The following RAB11FIP1 variants were observed in gnomAD, a reference collection of about 807,000 sequenced individuals.
RAB11FIP1 encodes rab11 family-interacting protein 1.
Under a neutral mutation model 83.1 loss-of-function variants are expected in RAB11FIP1, and 49 were observed. The ratio of observed to expected loss-of-function variants is 0.59; its 90% CI spans 0.47 to 0.75. The LOEUF (loss-of-function observed/expected upper bound fraction) is 0.75, where lower values mean the gene tolerates loss of function less well. Among genes scored for constraint, RAB11FIP1 ranks in the 30% least tolerant of loss-of-function variants. The probability of loss-of-function intolerance (pLI) is 0.00; values close to 1 mark genes in which losing one functional copy is unlikely to be tolerated. For synonymous variants in RAB11FIP1, 670 were observed against 656.0 expected (o/e 1.02, Z -0.33); for missense variants, 1,536 against 1,598.7 (o/e 0.96, Z 0.67).
rs35028305 is a variant in RAB11FIP1 at position 37,896,293 on chromosome 8, G to C, written c.371+2778C>G. Among the ~76,000 whole-genome samples, 828 of 151,360 alleles carry C rather than the reference G, an allele frequency of 5.5e-3. 6 individuals carry two copies. The highest frequency in any genetic ancestry group is 0.014 in the Middle Eastern group (4 of 294). ...CCATTGCACTCCAGCCTGGGGGACA[G>C]AGTGAGACGCCATCTCAAAAAAAAA... On this transcript the variant is annotated intron_variant, in intron 1 of 5. Coordinates refer to ENST00000330843, the MANE Select transcript of RAB11FIP1 (RefSeq NM_001002814.3).
chr8:37,873,043 G>GT lies in RAB11FIP1; in HGVS notation c.1758dup (p.Gln587ThrfsTer4), dbSNP rs775564658. 1 of 1,614,132 alleles carries GT rather than the reference G, an allele frequency of 6.2e-7. No homozygotes were observed. The highest frequency in any genetic ancestry group is 8.5e-7 in the Non-Finnish European group (1 of 1,179,998). ...AAGACAGAAGGACTCTCAGAGGACTGTGTGTCTGCACCATGTCCCAATTCA... is the reference window on the plus strand; with the variant it reads ...AAGACAGAAGGACTCTCAGAGGACTGTTGTGTCTGCACCATGTCCCAATTCA... On this transcript the variant is annotated frameshift_variant, in exon 4 of 6. Coordinates refer to ENST00000330843, the MANE Select transcript of RAB11FIP1 (RefSeq NM_001002814.3). LOFTEE classifies it high-confidence loss of function.
At chr8:37,880,231 G>C (rs998119301) in intron 1 of RAB11FIP1, among the ~76,000 whole-genome samples, 11 of 152,084 alleles carry the variant, frequency 7.2e-5, no homozygotes, top group African/African-American at 2.7e-4. Context: ...TCTGAGAGAG[G>C]AGGATTGGTT....
chr8:37,897,638 C>T (rs1362080448), intron 1 of RAB11FIP1, among the ~76,000 whole-genome samples: 4 of 151,888 alleles, frequency 2.6e-5, no homozygotes, highest in African/African-American at 9.7e-5. Flanking sequence ...TTGGGAGCTA[C>T]AGGCGAGCAG....
Position 37,860,965 on chromosome 8 carries a change from C to T in RAB11FIP1, c.*1930G>A, listed in dbSNP as rs1585423638. ...AACAAGGACACACATAAAAGAGATT[C>T]CTGATTTAATAACTGCTATCATCTT... On this transcript the variant is annotated 3_prime_UTR_variant, in exon 6 of 6. Transcript: ENST00000330843. The T allele has an allele frequency of 6.6e-6, 1 of 152,504 alleles. No homozygotes were observed. Among genetic ancestry groups the T allele is most frequent in the Non-Finnish European group, 1.5e-5 (1 of 68,068 alleles). 9.4% of individuals were successfully genotyped at this position (152,504 alleles called of 1,614,324 possible). A position where few individuals can be genotyped will look rare whatever the true frequency, so the allele number is the denominator to read the frequency against.
intron 2 of RAB11FIP1, 91 bp from the exon 3 acceptor site, chr8:37,875,413 G>T: frequency 2.1e-6 from 2 of 956,468 alleles, no homozygotes; most frequent in Non-Finnish European, 3.2e-6. Flanking sequence ...ATACATTTCT[G>T]GTTGCCACAA....
At position 37,875,239 on chromosome 8, in the gene RAB11FIP1, A is replaced by G. The variant is rs368335939; in HGVS notation, c.898T>C (p.Ser300Pro). 4.3e-6 allele frequency: 7 copies of G among 1,613,976 alleles called. No homozygotes were observed. In the African/African-American group the frequency reaches 8.0e-5, roughly 18 times the overall value. Reference sequence around the variant, plus strand: ...TTAGACCGAAGGCCACCAAGAAAGGAAAGTCCTTCCTTCTTGGGAAGGGTA... The same window carrying G: ...TTAGACCGAAGGCCACCAAGAAAGGGAAGTCCTTCCTTCTTGGGAAGGGTA... ...NFTLPKKEGL[S>P]FLGGLRSKND... Residue 300 changes from serine (S) to proline (P), a missense_variant, in exon 3 of 6, where the codon TCC (serine) becomes CCC (proline). Transcript: ENST00000330843.
chr8:37,870,254 T>C (rs1239545862), intron 5 of RAB11FIP1, 166 bp downstream of exon 5: 4 of 468,172 alleles, frequency 8.5e-6, no homozygotes, highest in Non-Finnish European at 1.1e-5. Context: ...AAAGTAATTA[T>C]CCAATGGAAT....
rs764515974 is a variant in RAB11FIP1 at position 37,877,326 on chromosome 8, C to A, written c.597G>T (p.Ser199=). The A allele has an allele frequency of 6.2e-7, 1 of 1,614,146 alleles. No individual in the cohort carries two copies. Among genetic ancestry groups the A allele is most frequent in the South Asian group, 1.1e-5 (1 of 91,084 alleles). The part of the protein sequence containing the change: ...ASAIIPSTTP[S]VDSDDESVVK... ...CCACAGACTCATCATCACTGTCGAC[C>A]GAAGGTGTCGTGCTAGGGATGATGG... The change falls in exon 2 of 6, where the codon TCG becomes TCT. Residue 199 remains serine (S), a synonymous_variant. Coordinates refer to ENST00000330843, the MANE Select transcript of RAB11FIP1 (RefSeq NM_001002814.3).
At position 37,871,894 on chromosome 8, in the gene RAB11FIP1, C is replaced by T. The variant is rs1806472973; in HGVS notation, c.2908G>A (p.Glu970Lys). 10 of 1,614,104 alleles carry T rather than the reference C, an allele frequency of 6.2e-6. No homozygotes were observed. The highest frequency in any genetic ancestry group is 8.5e-6 in the Non-Finnish European group (10 of 1,180,052). The change falls in exon 4 of 6, where the codon GAA becomes AAA. Residue 970 changes from glutamate to lysine, a missense_variant. Physicochemically the swap from Glu to Lys is moderately conservative, Grantham distance 56 (BLOSUM62 1). Coordinates refer to ENST00000330843, the MANE Select transcript of RAB11FIP1 (RefSeq NM_001002814.3). The stretch of plus-strand genomic sequence containing the variant: ...TCATCTTCAACCTGATCTATTCTTT[C>T]ATCATCCGATGCGACTTCAGGAATG... Reference protein sequence around the residue: ...PSIPEVASDDERIDQVEDDGD... With the variant: ...PSIPEVASDDKRIDQVEDDGD...
At chr8:37,875,345 A>T (rs747614213) in intron 2 of RAB11FIP1, 23 bp from the exon 3 acceptor site, 1 of 1,568,110 alleles carries the variant, frequency 6.4e-7, no homozygotes, top group East Asian at 2.2e-5. Flanking sequence ...AAAGAACAGA[A>T]AGGGGATAAG....
intron 1 of RAB11FIP1, among the ~76,000 whole-genome samples, chr8:37,889,038 CT>C (rs1806894154): frequency 6.6e-6 from 1 of 151,760 alleles, no homozygotes; most frequent in Non-Finnish European, 1.5e-5. Flanking sequence ...ACCTCGTGAT[CT>C]GCCCGCCTCG....
chr8:37,898,853 G>A (rs1253632555), intron 1 of RAB11FIP1, among the ~76,000 whole-genome samples: 1 of 150,298 alleles, frequency 6.7e-6, no homozygotes, highest in Non-Finnish European at 1.5e-5. Context: ...CCCCAGATAC[G>A]GCCCCTTCTT....
In RAB11FIP1 at chr8:37,863,118, G is replaced by C. The variant is rs937117494; in HGVS notation, c.3634-5C>G. The C allele has an allele frequency of 1.9e-6, 3 of 1,606,838 alleles. No homozygotes were observed. In the African/African-American group the frequency reaches 4.0e-5, roughly 22 times the overall value. On this transcript the variant is annotated splice_polypyrimidine_tract_variant and splice_region_variant and intron_variant, in intron 5 of 5. Coordinates refer to ENST00000330843, the MANE Select transcript of RAB11FIP1 (RefSeq NM_001002814.3). ...AGGGTCCGAGGGGCTGTATTTCTTT[G>C]GAGGGGGGGAAATAGTTGGGAAAAA...
At chr8:37,895,069 T>C (rs1807036688) in intron 1 of RAB11FIP1, among the ~76,000 whole-genome samples, 1 of 143,710 alleles carries the variant, frequency 7.0e-6, no homozygotes, top group African/African-American at 2.6e-5. Context: ...TATATATATA[T>C]GTTTTTTTTT....
chr8:37,864,674 A>C (rs1273233639), intron 5 of RAB11FIP1, among the ~76,000 whole-genome samples: 1 of 152,074 alleles, frequency 6.6e-6, no homozygotes, highest in Admixed American at 6.6e-5. Flanking sequence ...CACAACACCA[A>C]CGTTTCCATA....
chr8:37,897,044 C>A (rs924295919), intron 1 of RAB11FIP1, among the ~76,000 whole-genome samples: 3 of 152,194 alleles, frequency 2.0e-5, no homozygotes, highest in African/African-American at 7.2e-5. Context: ...CAACCCACCA[C>A]CCCCAGTGTC....
At chr8:37,886,491 A>G (rs1243399375) in intron 1 of RAB11FIP1, among the ~76,000 whole-genome samples, 1 of 152,200 alleles carries the variant, frequency 6.6e-6, no homozygotes, top group Non-Finnish European at 1.5e-5. Context: ...TCTCTGGGTT[A>G]CCTCCACACT....
chr8:37,879,152 A>G (rs1585438848), intron 1 of RAB11FIP1, among the ~76,000 whole-genome samples: 1 of 152,138 alleles, frequency 6.6e-6, no homozygotes. Flanking sequence ...TACTAAAAAT[A>G]CAAAAATTAG....
chr8:37,867,534 G>A (rs747175540), intron 5 of RAB11FIP1, among the ~76,000 whole-genome samples: 24 of 152,050 alleles, frequency 1.6e-4, no homozygotes, highest in Non-Finnish European at 3.4e-4. Context: ...GTAGAACCCC[G>A]TCTCTATTAA....
Sources: allele counts gnomAD v4.1 joint callset (sites outside exome capture counted in the v4.1 genomes callset), GRCh38; gene constraint gnomAD v4.1.1; transcripts MANE v1.5; gene names NCBI Gene and HGNC (gene_info 2026-07-23, HGNC 2026-07-21).